ALS2CL: variants seen among roughly 807,000 people sequenced by gnomAD.
ALS2CL encodes ALS2 C-terminal like.
ALS2CL carries 112 observed loss-of-function variants against 127.9 expected under a neutral mutation model. The ratio of observed to expected loss-of-function variants is 0.88; its 90% CI spans 0.75 to 1.02. ALS2CL has a LOEUF of 1.02. Among genes scored for constraint, ALS2CL ranks in the 50% least tolerant of loss-of-function variants. ALS2CL has a pLI of 0.00. For synonymous variants in ALS2CL, 519 were observed against 527.6 expected (o/e 0.98, Z 0.22); for missense variants, 1,174 against 1,236.7 (o/e 0.95, Z 0.76).
intron 16 of ALS2CL, chr3:46,677,416 G>T: frequency 9.6e-7 from 1 of 1,044,870 alleles, no homozygotes; most frequent in Non-Finnish European, 1.2e-6. Context: ...TCCTGTGGTT[G>T]ATCCCGCCCT....
Position 46,681,655 on chromosome 3 carries a change from C to T in ALS2CL, c.1176-57G>A. 1 of 1,542,956 alleles carries T rather than the reference C, an allele frequency of 6.5e-7. No homozygotes were observed. Among genetic ancestry groups the T allele is most frequent in the Admixed American group, 1.7e-5 (1 of 59,482 alleles). On this transcript the variant is annotated intron_variant, in intron 11 of 25. Transcript: ENST00000318962. This position sits in a 1 kb window ranked among gnomAD's most constrained non-coding sequence, Gnocchi z 4.9. ...CCCTGACCTGAGACGCCCATTACACCTACTCCATGCCACCCAGGAGTATCC... is the reference window on the plus strand; with the variant it reads ...CCCTGACCTGAGACGCCCATTACACTTACTCCATGCCACCCAGGAGTATCC...
intron 1 of ALS2CL, among the ~76,000 whole-genome samples, chr3:46,691,565 C>G (rs1700155038): frequency 6.6e-6 from 1 of 152,066 alleles, no homozygotes; most frequent in Admixed American, 6.5e-5. Flanking sequence ...CAGCTGCTCC[C>G]CCAGGAGCAG....
In ALS2CL at chr3:46,681,186, T is replaced by C. The variant is rs777129801; in HGVS notation, c.1436+60A>G. Reference sequence around the variant, plus strand: ...CAGGAGCCTGTGTCCTGCAACAATCTGGTCTGTGAGGGCCCGGTCCACCCC... The same window carrying C: ...CAGGAGCCTGTGTCCTGCAACAATCCGGTCTGTGAGGGCCCGGTCCACCCC... On this transcript the variant is annotated intron_variant, in intron 13 of 25. Coordinates refer to ENST00000318962, the MANE Select transcript of ALS2CL (RefSeq NM_147129.5). This position sits in a 1 kb window ranked among gnomAD's most constrained non-coding sequence, Gnocchi z 4.9. The C allele has an allele frequency of 1.2e-6, 2 of 1,608,832 alleles. No homozygotes were observed. The highest frequency in any genetic ancestry group is 2.7e-5 in the African/African-American group (2 of 74,736).
At chr3:46,672,108 C>G (rs367618629) in intron 23 of ALS2CL, 32 bp downstream of exon 23, 2 of 1,614,140 alleles carry the variant, frequency 1.2e-6, no homozygotes, top group Admixed American at 3.3e-5. Flanking sequence ...ACTCTGCCTC[C>G]GGACCCCCAA....
rs900816564 is a variant in ALS2CL at position 46,678,110 on chromosome 3, A to G, written c.1757+149T>C. ...CAGCCCCTGATCCCAAGAGTCTCTG[A>G]CTGGAGTTGTACACCCTGGGCTCTC... On this transcript the variant is annotated intron_variant, in intron 16 of 25. Coordinates refer to ENST00000318962, the MANE Select transcript of ALS2CL (RefSeq NM_147129.5). The G allele has an allele frequency of 1.6e-5, 13 of 810,586 alleles. No individual in the cohort carries two copies. In the East Asian group the frequency reaches 4.4e-4, roughly 27 times the overall value. 50.2% of individuals were successfully genotyped at this position (810,586 alleles called of 1,614,324 possible).
chr3:46,672,280 G>T, intron 22 of ALS2CL, 79 bp from the exon 23 acceptor site: 1 of 1,536,344 alleles, frequency 6.5e-7, no homozygotes, highest in South Asian at 1.2e-5. Flanking sequence ...GGCCGGGCCT[G>T]AGTCCCCCGC....
chr3:46,682,057 C>G lies in ALS2CL; in HGVS notation c.1147G>C (p.Gly383Arg). ...LKWPDGRNHV[G>R]NFCQGLEHGF... Reference sequence around the variant, plus strand: ...TGCTCCAGGCCCTGGCAGAAATTCCCCACGTGATTCCGCCCATCCGGCCAT... The same window carrying G: ...TGCTCCAGGCCCTGGCAGAAATTCCGCACGTGATTCCGCCCATCCGGCCAT... The change falls in exon 11 of 26, where the codon GGG becomes CGG. Residue 383 changes from glycine (G) to arginine (R), a missense_variant. Gly to Arg is a moderately radical substitution (Grantham distance 125). Coordinates refer to ENST00000318962, the MANE Select transcript of ALS2CL (RefSeq NM_147129.5). 6.2e-7 allele frequency: 1 copy of G among 1,614,042 alleles called. No individual in the cohort carries two copies. The highest frequency in any genetic ancestry group is 1.1e-5 in the South Asian group (1 of 91,046).
intron 10 of ALS2CL, among the ~76,000 whole-genome samples, chr3:46,682,898 C>T (rs904182543): frequency 2.6e-5 from 4 of 152,238 alleles, no homozygotes; most frequent in South Asian, 2.1e-4. Context: ...AAGGCCAGCG[C>T]GTGGTTGCTG....
At chr3:46,678,000 C>CA (rs527464518) in intron 16 of ALS2CL, among the ~76,000 whole-genome samples, 92,432 of 129,620 alleles carry the variant, frequency 0.71, 31,601 homozygotes, top group Middle Eastern at 0.76. Flanking sequence ...CCTTTCGAGA[C>CA]AAAAAAAAAA....
At chr3:46,676,782 C>G in intron 17 of ALS2CL, 44 bp from the exon 18 acceptor site, 1 of 1,611,626 alleles carries the variant, frequency 6.2e-7, no homozygotes, top group Non-Finnish European at 8.5e-7. Flanking sequence ...CTCGGCCCAG[C>G]CCCCTCCCCC....
chr3:46,687,670 T>C lies in ALS2CL; in HGVS notation c.317A>G (p.Tyr106Cys), dbSNP rs1575447792. The change falls in exon 4 of 26, where the codon TAC (tyrosine) becomes TGC (cysteine). Residue 106 changes from tyrosine (Y) to cysteine (C), a missense_variant. Transcript: ENST00000318962. ...LQAHIEYIES[Y>C]TSCMVVQAFQ... Reference sequence around the variant, plus strand: ...GGCCTGCACCACCATGCAGCTTGTGTAGGACTCAATGTACCTGCAGGCAGC... The same window carrying C: ...GGCCTGCACCACCATGCAGCTTGTGCAGGACTCAATGTACCTGCAGGCAGC... 1.1e-5 allele frequency: 17 copies of C among 1,612,896 alleles called. No individual in the cohort carries two copies. The East Asian group carries it at 3.8e-4, about 36-fold the overall frequency.
chr3:46,675,853 G>C (rs894767494), intron 19 of ALS2CL, 167 bp from the exon 20 acceptor site: 1 of 1,455,592 alleles, frequency 6.9e-7, no homozygotes, highest in Non-Finnish European at 9.0e-7. Context: ...GCTCCAGGAT[G>C]TTAGCCTGAG....
chr3:46,676,327 C>T lies in ALS2CL; in HGVS notation c.2104G>A (p.Gly702Ser). The T allele has an allele frequency of 1.2e-6, 2 of 1,613,930 alleles. No homozygotes were observed. Among genetic ancestry groups the T allele is most frequent in the African/African-American group, 1.3e-5 (1 of 75,002 alleles). ...LMLTFQATYA[G>S]VGANKHLQEL... ...TGCAGGTGCTTGTTGGCCCCGACAC[C>T]TGCGTAGGTAGCCTGGAAGGTCAGC... The change falls in exon 19 of 26, where the codon GGT becomes AGT. Residue 702 changes from glycine to serine, a missense_variant. Coordinates refer to ENST00000318962, the MANE Select transcript of ALS2CL (RefSeq NM_147129.5).
chr3:46,678,000 C>A (rs369278397), intron 16 of ALS2CL, among the ~76,000 whole-genome samples: 1,366 of 128,380 alleles, frequency 0.011, no homozygotes, highest in Admixed American at 0.012. Flanking sequence ...CCTTTCGAGA[C>A]AAAAAAAAAA....
In ALS2CL at chr3:46,686,440, C is replaced by A; in HGVS notation, c.535-1G>T. ...CCACCAGCTCCCGGGTTGGGTGATG[C>A]TGAAGGGGGACAGGGCAGCCAGTGA... On this transcript the variant is annotated splice_acceptor_variant, in intron 5 of 25. Coordinates refer to ENST00000318962, the MANE Select transcript of ALS2CL (RefSeq NM_147129.5). LOFTEE classifies it high-confidence loss of function. The surrounding 1 kb of genome is among the most constrained non-coding windows in gnomAD (Gnocchi z 4.3). 2 of 1,611,970 alleles carry A rather than the reference C, an allele frequency of 1.2e-6. No homozygotes were observed.
At chr3:46,687,563 C>G in intron 4 of ALS2CL, 56 bp downstream of exon 4, 1 of 1,594,080 alleles carries the variant, frequency 6.3e-7, no homozygotes. Flanking sequence ...CCCGACCCCA[C>G]CCTCACTCAG....
In ALS2CL at chr3:46,677,234, C is replaced by T. The variant is rs541916525; in HGVS notation, c.1758-212G>A. 16 of 1,394,238 alleles carry T rather than the reference C, an allele frequency of 1.1e-5. No individual in the cohort carries two copies. In the East Asian group the frequency reaches 1.9e-4, roughly 16 times the overall value. The allele number at this position is 1,394,238 out of a possible 1,614,324, so 86.4% of individuals were successfully genotyped here. A position where few individuals can be genotyped will look rare whatever the true frequency, so the allele number is the denominator to read the frequency against. ...AGAAAGGGACAGAGAATCTACCCTG[C>T]GACGAGAAGACAGACAGAAGCATAT... is the stretch of plus-strand genomic sequence containing the variant. On this transcript the variant is annotated intron_variant, in intron 16 of 25. Transcript: ENST00000318962.
Position 46,679,333 on chromosome 3 carries a change from G to A in ALS2CL, c.1549-46C>T, listed in dbSNP as rs1028825537. 13 of 1,488,280 alleles carry A rather than the reference G, an allele frequency of 8.7e-6. No individual in the cohort carries two copies. The Middle Eastern group carries it at 7.3e-4, about 84-fold the overall frequency. The allele number at this position is 1,488,280 out of a possible 1,614,324, so 92.2% of individuals were successfully genotyped here. On this transcript the variant is annotated intron_variant, in intron 14 of 25. Coordinates refer to ENST00000318962, the MANE Select transcript of ALS2CL (RefSeq NM_147129.5). ...GAGGGTAGAAAGGGTGGGTGAGGAA[G>A]GGCCAGGAAACTCAGGGTGGAGAGA...
intron 15 of ALS2CL, 59 bp downstream of exon 15, chr3:46,679,151 A>T: frequency 6.7e-7 from 1 of 1,494,046 alleles, no homozygotes; most frequent in Non-Finnish European, 9.1e-7. Context: ...AAGTGGGGAG[A>T]TTACAGACAC....
Sources: allele counts gnomAD v4.1 joint callset (sites outside exome capture counted in the v4.1 genomes callset), GRCh38; gene constraint gnomAD v4.1.1; non-coding constraint Gnocchi (gnomAD v3.1); transcripts MANE v1.5; gene names NCBI Gene and HGNC (gene_info 2026-07-23, HGNC 2026-07-21).